The following SCAMP1 variants were observed in gnomAD, a reference collection of about 807,000 sequenced individuals.
SCAMP1 encodes secretory carrier-associated membrane protein 1.
Under a neutral mutation model 41.8 loss-of-function variants are expected in SCAMP1, and 15 were observed. That is an observed-to-expected ratio of 0.36 (90% CI 0.24 to 0.55). The LOEUF is 0.55. SCAMP1 is among the 20% of genes least tolerant of loss of function. The pLI, the probability that SCAMP1 is intolerant of heterozygous loss-of-function variation, is 0.86. For synonymous variants in SCAMP1, 135 were observed against 136.8 expected (o/e 0.99, Z 0.09); for missense variants, 341 against 412.6 (o/e 0.83, Z 1.50).
intron 6 of SCAMP1, among the ~76,000 whole-genome samples, chr5:78,435,838 A>G (rs374272671): frequency 6.6e-6 from 1 of 152,178 alleles, no homozygotes; most frequent in South Asian, 2.1e-4. Context: ...TTACATTCCC[A>G]TCAACAGTGT....
chr5:78,388,800 A>G, intron 1 of SCAMP1, 37 bp from the exon 2 acceptor site: 1 of 1,084,980 alleles, frequency 9.2e-7, no homozygotes, highest in Non-Finnish European at 1.4e-6. Context: ...TTTAAAGGAT[A>G]AGTAATCTTT....
intron 2 of SCAMP1, among the ~76,000 whole-genome samples, chr5:78,391,840 A>G (rs1751516067): frequency 6.6e-6 from 1 of 152,176 alleles, no homozygotes; most frequent in Admixed American, 6.5e-5. Flanking sequence ...CCCCGTCTCC[A>G]CCAAAAAAAT....
At chr5:78,384,400 A>G (rs1190339492) in intron 1 of SCAMP1, among the ~76,000 whole-genome samples, 1 of 152,062 alleles carries the variant, frequency 6.6e-6, no homozygotes, top group East Asian at 1.9e-4. Context: ...TCATCAGCAA[A>G]CAGCAATAGT....
rs144060722 is a variant in SCAMP1, at chr5:78,405,099, G to T, written c.136-10421G>T. Among the ~76,000 whole-genome samples the T allele has an allele frequency of 2.8e-4, 42 of 152,276 alleles. 2 individuals are homozygous for T. The East Asian group carries it at 7.7e-3, about 28-fold the overall frequency. On this transcript the variant is annotated intron_variant, in intron 2 of 8. Coordinates refer to ENST00000621999, the MANE Select transcript of SCAMP1 (RefSeq NM_004866.6). ...CAGTCATGGGTCAGCAATTTGCCCT[G>T]TGTCCTCACATCTCTTAACGATCCA... is the stretch of plus-strand genomic sequence containing the variant.
intron 8 of SCAMP1, among the ~76,000 whole-genome samples, chr5:78,472,558 T>C (rs1753910648): frequency 6.6e-6 from 1 of 152,140 alleles, no homozygotes; most frequent in South Asian, 2.1e-4. Context: ...CTGTCATCTT[T>C]CATGGGGCCC....
At chr5:78,426,485 C>G (rs1752473601) in intron 6 of SCAMP1, among the ~76,000 whole-genome samples, 1 of 152,214 alleles carries the variant, frequency 6.6e-6, no homozygotes, top group Non-Finnish European at 1.5e-5. Context: ...ACCATTTTAA[C>G]TGGCATGAGA....
intron 8 of SCAMP1, among the ~76,000 whole-genome samples, chr5:78,469,910 AAACAAAAAAAAAAAAAAAAAAAC>A (rs1289758747): frequency 1.1e-4 from 5 of 43,692 alleles, no homozygotes; most frequent in Admixed American, 5.8e-4. Flanking sequence ...AAAAAAAAAA[AAACAAAAAAAAAAAAAAAAAAAC>A]AACAACACAG....
At chr5:78,450,066 T>A in intron 7 of SCAMP1, 32 bp downstream of exon 7, 1 of 1,156,152 alleles carries the variant, frequency 8.6e-7, no homozygotes, top group Non-Finnish European at 1.3e-6. Flanking sequence ...TTTTCAGCTT[T>A]AATCTAATAT....
intron 8 of SCAMP1, among the ~76,000 whole-genome samples, chr5:78,459,856 C>G (rs1753540215): frequency 6.6e-6 from 1 of 152,014 alleles, no homozygotes; most frequent in Admixed American, 6.6e-5. Context: ...TTCTATTGAA[C>G]CCATCACCCA....
intron 6 of SCAMP1, among the ~76,000 whole-genome samples, chr5:78,445,652 T>A (rs1240458605): frequency 6.6e-6 from 1 of 152,098 alleles, no homozygotes; most frequent in Admixed American, 6.6e-5. Context: ...TTTTTTTTCC[T>A]GGACCTTTTC....
chr5:78,429,364 A>ATTTTTTTTTTTTTTTTTTTTTTTT (rs35131102), intron 6 of SCAMP1, among the ~76,000 whole-genome samples: 1 of 136,510 alleles, frequency 7.3e-6, no homozygotes, highest in South Asian at 2.3e-4. Flanking sequence ...TTTTTTTTTA[A>ATTTTTTTTTTTTTTTTTTTTTTTT]TTTTTTTTTA....
intron 6 of SCAMP1, among the ~76,000 whole-genome samples, chr5:78,425,639 C>T (rs1011367391): frequency 2.2e-4 from 33 of 151,962 alleles, no homozygotes; most frequent in East Asian, 3.9e-4. Flanking sequence ...CAGTTCTTGC[C>T]GCTGACTTAT....
intron 1 of SCAMP1, among the ~76,000 whole-genome samples, chr5:78,385,722 A>G (rs1751324778): frequency 6.6e-6 from 1 of 152,100 alleles, no homozygotes; most frequent in African/African-American, 2.4e-5. Flanking sequence ...ATTCAGGAGC[A>G]GGTTATTTAA....
chr5:78,449,992 T>C lies in SCAMP1; in HGVS notation c.692T>C (p.Val231Ala), dbSNP rs1463084957. Reference sequence around the variant, plus strand: ...TTCGTCTATATTTGTCAGTTTGCTGTACATGTACTCCAAGCTGCAGGATTT... The same window carrying C: ...TTCGTCTATATTTGTCAGTTTGCTGCACATGTACTCCAAGCTGCAGGATTT... Reference protein sequence around the residue: ...FFFVYICQFAVHVLQAAGFHN... With the variant: ...FFFVYICQFAAHVLQAAGFHN... Residue 231 changes from valine to alanine, a missense_variant, in exon 7 of 9, where the codon GTA becomes GCA. Transcript: ENST00000621999. 2 of 1,588,552 alleles carry C rather than the reference T, an allele frequency of 1.3e-6. No homozygotes were observed. Among genetic ancestry groups the C allele is most frequent in the Non-Finnish European group, 1.7e-6 (2 of 1,170,340 alleles).
intron 2 of SCAMP1, among the ~76,000 whole-genome samples, chr5:78,389,596 G>A (rs1279548519): frequency 1.3e-5 from 2 of 151,932 alleles, no homozygotes; most frequent in Admixed American, 1.3e-4. Flanking sequence ...TTTATAAAAT[G>A]TACAAGTATG....
At chr5:78,368,235 T>G (rs554972599) in intron 1 of SCAMP1, among the ~76,000 whole-genome samples, 1 of 152,302 alleles carries the variant, frequency 6.6e-6, no homozygotes, top group Non-Finnish European at 1.5e-5. Flanking sequence ...TAGAAAACTT[T>G]TGTCTAGGTT....
intron 6 of SCAMP1, 68 bp downstream of exon 6, chr5:78,422,028 A>T (rs1752350984): frequency 7.5e-7 from 1 of 1,342,144 alleles, no homozygotes; most frequent in Non-Finnish European, 1.0e-6. Flanking sequence ...AGTATACATT[A>T]AAGGGAAAAT....
At chr5:78,437,128 G>A (rs1416140630) in intron 6 of SCAMP1, among the ~76,000 whole-genome samples, 1 of 152,154 alleles carries the variant, frequency 6.6e-6, no homozygotes, top group African/African-American at 2.4e-5. Flanking sequence ...GGGCTGAGAT[G>A]ATGGGGTTTT....
At position 78,416,616 on chromosome 5, in the gene SCAMP1, C is replaced by A; in HGVS notation, c.310C>A (p.Arg104=). The change falls in exon 4 of 9, where the codon CGG becomes AGG. Residue 104 remains arginine (R), a synonymous_variant. Coordinates refer to ENST00000621999, the MANE Select transcript of SCAMP1 (RefSeq NM_004866.6). ...AAGAAAAGCCGCAGAATTAGATCGT[C>A]GGGAACGAGAAATGCAAAACCTCAG... ...LERKAAELDR[R]EREMQNLSQH... 6.3e-7 allele frequency: 1 copy of A among 1,594,392 alleles called. No individual in the cohort carries two copies.
Sources: allele counts gnomAD v4.1 joint callset (sites outside exome capture counted in the v4.1 genomes callset), GRCh38; gene constraint gnomAD v4.1.1; transcripts MANE v1.5; gene names NCBI Gene and HGNC (gene_info 2026-07-23, HGNC 2026-07-21).